The following APH1A variants were observed in gnomAD, a reference collection of about 807,000 sequenced individuals.
APH1A encodes the protein aph-1A gamma-secretase subunit.
Under a neutral mutation model 30.3 loss-of-function variants are expected in APH1A, and 16 were observed. The ratio of observed to expected loss-of-function variants is 0.53; its 90% CI spans 0.36 to 0.80. The LOEUF (loss-of-function observed/expected upper bound fraction) is 0.80, where lower values mean the gene tolerates loss of function less well. Among genes scored for constraint, APH1A ranks in the 30% least tolerant of loss-of-function variants. The pLI, the probability that APH1A is intolerant of heterozygous loss-of-function variation, is 0.01. For synonymous variants in APH1A, 144 were observed against 140.1 expected (o/e 1.03, Z -0.20); for missense variants, 245 against 337.8 (o/e 0.73, Z 2.15).
chr1:150,268,282 A>G, intron 1 of APH1A, 155 bp from the exon 2 acceptor site: 1 of 815,242 alleles, frequency 1.2e-6, no homozygotes, highest in Non-Finnish European at 1.9e-6. Flanking sequence ...CCACCAAGAG[A>G]CTCATCTGTA....
rs587608274 is a variant in APH1A, at chr1:150,268,956, A to AG, written c.-147dup. Reference sequence around the variant, plus strand: ...CACCCCCAGACCCCGGGGAAGGGGAAGGGGGGGAACCGAAACCCCAAATGA... The same window carrying AG: ...CACCCCCAGACCCCGGGGAAGGGGAAGGGGGGGGAACCGAAACCCCAAATGA... On this transcript the variant is annotated 5_prime_UTR_variant, in exon 1 of 7. Transcript: ENST00000369109. The AG allele has an allele frequency of 2.3e-5, 15 of 653,004 alleles. No individual in the cohort carries two copies. The highest frequency in any genetic ancestry group is 1.8e-4 in the Admixed American group (6 of 33,942). 40.5% of individuals were successfully genotyped at this position (653,004 alleles called of 1,614,324 possible). A position where few individuals can be genotyped will look rare whatever the true frequency, so the allele number is the denominator to read the frequency against.
In APH1A at chr1:150,266,599, A is replaced by C. The variant is rs782046338; in HGVS notation, c.667T>G (p.Ser223Ala). Residue 223 changes from serine to alanine, a missense_variant, in exon 6 of 7, where the codon TCC becomes GCC. Transcript: ENST00000369109. ...GTGATGAAGGCCCAGAGCCCCATGG[A>C]AACAGTGACTGCATAGATGGGCAGC... ...SLLPIYAVTV[S>A]MGLWAFITAG... 3 of 1,614,064 alleles carry C rather than the reference A, an allele frequency of 1.9e-6. No homozygotes were observed. Among genetic ancestry groups the C allele is most frequent in the Admixed American group, 1.7e-5 (1 of 60,024 alleles).
In APH1A at chr1:150,266,823, T is replaced by A. The variant is rs1264188968; in HGVS notation, c.610-167A>T. The A allele has an allele frequency of 3.8e-6, 4 of 1,058,162 alleles. No homozygotes were observed. In the East Asian group the frequency reaches 7.8e-5, roughly 21 times the overall value. 65.5% of individuals were successfully genotyped at this position (1,058,162 alleles called of 1,614,324 possible). The stretch of plus-strand genomic sequence containing the variant: ...AAGGGGACTTTTGATTTTCAGCTCC[T>A]CAGAAACTCAAAGGTTTCTGCCGCT... On this transcript the variant is annotated intron_variant, in intron 5 of 6. Transcript: ENST00000369109.
intron 5 of APH1A, 91 bp from the exon 6 acceptor site, chr1:150,266,747 C>A: frequency 6.9e-7 from 1 of 1,439,128 alleles, no homozygotes; most frequent in Non-Finnish European, 9.4e-7. Flanking sequence ...TCCCAGATAT[C>A]TCTCTCAAAT....
chr1:150,268,420 G>T lies in APH1A; in HGVS notation c.113+278C>A. On this transcript the variant is annotated intron_variant, in intron 1 of 6. Transcript: ENST00000369109. ...GATCCTCCCCTAAGGCACCTGACTC[G>T]GCCTGCCTAGGTCAGCACAGCCCCC... 1.5e-5 allele frequency: 9 copies of T among 584,810 alleles called. No individual in the cohort carries two copies. The South Asian group carries it at 1.7e-4, about 11-fold the overall frequency. The allele number at this position is 584,810 out of a possible 1,614,324, so 36.2% of individuals were successfully genotyped here. A position where few individuals can be genotyped will look rare whatever the true frequency, so the allele number is the denominator to read the frequency against.
chr1:150,268,972 C>T lies in APH1A; in HGVS notation c.-162G>A, dbSNP rs1172384506. 1.7e-6 allele frequency: 1 copy of T among 602,810 alleles called. No individual in the cohort carries two copies. Among genetic ancestry groups the T allele is most frequent in the Non-Finnish European group, 2.9e-6 (1 of 341,810 alleles). 37.3% of individuals were successfully genotyped at this position (602,810 alleles called of 1,614,324 possible). On this transcript the variant is annotated 5_prime_UTR_variant, in exon 1 of 7. Transcript: ENST00000369109. Reference sequence around the variant, plus strand: ...GGAAGGGGAAGGGGGGGAACCGAAACCCCAAATGAAGGTCCGCGCCACTTC... The same window carrying T: ...GGAAGGGGAAGGGGGGGAACCGAAATCCCAAATGAAGGTCCGCGCCACTTC...
At chr1:150,268,671 C>A (rs1202647607) in intron 1 of APH1A, 27 bp downstream of exon 1, 1 of 1,592,390 alleles carries the variant, frequency 6.3e-7, no homozygotes. Context: ...TCGACGCTCT[C>A]CCGCGTCTCC....
At chr1:150,266,505 G>A (rs1651730650) in intron 6 of APH1A, 28 bp downstream of exon 6, 1 of 1,613,540 alleles carries the variant, frequency 6.2e-7, no homozygotes, top group Non-Finnish European at 8.5e-7. Flanking sequence ...GATCTGTCAG[G>A]CGATCAGTCC....
rs376071112 is a variant in APH1A at position 150,266,569 on chromosome 1, C to T, written c.697G>A (p.Gly233Arg). 1 of 1,614,016 alleles carries T rather than the reference C, an allele frequency of 6.2e-7. No individual in the cohort carries two copies. The highest frequency in any genetic ancestry group is 1.3e-5 in the African/African-American group (1 of 74,898). ...CGCTGAATACTTCGGAGGGACCCTC[C>T]AGCTGTGATGAAGGCCCAGAGCCCC... ...SMGLWAFITA[G>R]GSLRSIQRSL... is the part of the protein sequence containing the mutation. Residue 233 changes from glycine to arginine, a missense_variant, in exon 6 of 7, where the codon GGA (glycine) becomes AGA (arginine). Gly to Arg is a moderately radical substitution (Grantham distance 125). Transcript: ENST00000369109.
Position 150,267,942 on chromosome 1 carries a change from A to T in APH1A, c.284+15T>A. On this transcript the variant is annotated intron_variant, in intron 2 of 6. Transcript: ENST00000369109. ...CCTTTGCCCCTCTCCCCTCCAGACC[A>T]CTCCATCTTCTTACTTAAGCAGCTT... 1 of 1,613,582 alleles carries T rather than the reference A, an allele frequency of 6.2e-7. No individual in the cohort carries two copies. The highest frequency in any genetic ancestry group is 8.5e-7 in the Non-Finnish European group (1 of 1,179,840).
intron 5 of APH1A, 123 bp from the exon 6 acceptor site, chr1:150,266,779 G>A: frequency 8.0e-7 from 1 of 1,253,942 alleles, no homozygotes; most frequent in East Asian, 2.5e-5. Context: ...TCCCTTCAGA[G>A]CACCAACATC....
chr1:150,268,165 G>A (rs199530341), intron 1 of APH1A, 38 bp from the exon 2 acceptor site: 9 of 1,598,908 alleles, frequency 5.6e-6, no homozygotes, highest in Non-Finnish European at 6.0e-6. Context: ...AGCAATAGTA[G>A]TGGGAGCCAG....
intron 1 of APH1A, chr1:150,268,346 G>A (rs145639565): frequency 1.7e-4 from 110 of 634,386 alleles, no homozygotes; most frequent in Non-Finnish European, 2.7e-4. Context: ...TCTTCAGAGC[G>A]ATGACAGCCA....
In APH1A at chr1:150,265,929, C is replaced by T. The variant is rs1651656610; in HGVS notation, c.*201G>A. On this transcript the variant is annotated 3_prime_UTR_variant, in exon 7 of 7. Coordinates refer to ENST00000369109, the MANE Select transcript of APH1A (RefSeq NM_001077628.3). ...TTCCCCCTCAGGCCTGAGAAAAAGA[C>T]CAAGATGTCCAGTCTTGAGGGAGTA... The T allele has an allele frequency of 8.0e-6, 5 of 622,946 alleles. No individual in the cohort carries two copies. In the East Asian group the frequency reaches 1.5e-4, roughly 19 times the overall value. 38.6% of individuals were successfully genotyped at this position (622,946 alleles called of 1,614,324 possible). A position where few individuals can be genotyped will look rare whatever the true frequency, so the allele number is the denominator to read the frequency against.
At position 150,267,193 on chromosome 1, in the gene APH1A, G is replaced by C; in HGVS notation, c.491C>G (p.Thr164Arg). The C allele has an allele frequency of 6.2e-7, 1 of 1,614,198 alleles. No individual in the cohort carries two copies. Among genetic ancestry groups the C allele is most frequent in the Non-Finnish European group, 8.5e-7 (1 of 1,180,038 alleles). The stretch of plus-strand genomic sequence containing the variant: ...GGTATGGAGCAGGATAATGGCTGCT[G>C]TCAGAAAGGCTGCAGGGAGGGAGAT... Reference protein sequence around the residue: ...PYYFLTSAFLTAAIILLHTFW... With the variant: ...PYYFLTSAFLRAAIILLHTFW... The change falls in exon 5 of 7, where the codon ACA becomes AGA. Residue 164 changes from threonine to arginine, a missense_variant. Transcript: ENST00000369109.
chr1:150,268,364 C>A (rs1028926180), intron 1 of APH1A: 14 of 617,536 alleles, frequency 2.3e-5, no homozygotes, highest in Non-Finnish European at 3.3e-5. Context: ...CCAGAGTGTG[C>A]GAGCACGGAA....
Position 150,268,746 on chromosome 1 carries a change from A to G in APH1A, c.65T>C (p.Leu22Ser). ...VAFGPAFALF[L>S]ITVAGDPLRV... Reference sequence around the variant, plus strand: ...AAGCGGGTCCCCAGCCACAGTGATCAAGAAAAGCGCGAAGGCCGGGCCGAA... The same window carrying G: ...AAGCGGGTCCCCAGCCACAGTGATCGAGAAAAGCGCGAAGGCCGGGCCGAA... The change falls in exon 1 of 7, where the codon TTG (leucine) becomes TCG (serine). Residue 22 changes from leucine (L) to serine (S), a missense_variant. Leu to Ser is a moderately radical substitution (Grantham distance 145). Coordinates refer to ENST00000369109, the MANE Select transcript of APH1A (RefSeq NM_001077628.3). The G allele has an allele frequency of 6.2e-7, 1 of 1,613,880 alleles. No homozygotes were observed. Among genetic ancestry groups the G allele is most frequent in the Non-Finnish European group, 8.5e-7 (1 of 1,179,898 alleles).
In APH1A at chr1:150,267,103, A is replaced by G. The variant is rs200325781; in HGVS notation, c.581T>C (p.Val194Ala). Residue 194 changes from valine (V) to alanine (A), a missense_variant, in exon 5 of 7, where the codon GTT (valine) becomes GCT (alanine). Transcript: ENST00000369109. ...TCCCGATGTCAGTAGGTGACTCCCA[A>G]CCACCAGGCCCAAAGCCCAGTACCG... is the stretch of plus-strand genomic sequence containing the variant. ...RRRYWALGLVVGSHLLTSGLT... is the reference protein window; with the variant it reads ...RRRYWALGLVAGSHLLTSGLT... The G allele has an allele frequency of 1.2e-5, 20 of 1,613,998 alleles. No individual in the cohort carries two copies. Among genetic ancestry groups the G allele is most frequent in the Non-Finnish European group, 1.7e-5 (20 of 1,180,032 alleles).
chr1:150,266,118 C>G lies in APH1A; in HGVS notation c.*12G>C, dbSNP rs373144924. On this transcript the variant is annotated 3_prime_UTR_variant, in exon 7 of 7. Coordinates refer to ENST00000369109, the MANE Select transcript of APH1A (RefSeq NM_001077628.3). Reference sequence around the variant, plus strand: ...AGGGCACCCCAGGCCCAGGGGTCCCCCCTAGGTTCCCTCAGTCCTCGGGTG... The same window carrying G: ...AGGGCACCCCAGGCCCAGGGGTCCCGCCTAGGTTCCCTCAGTCCTCGGGTG... 3.8e-6 allele frequency: 6 copies of G among 1,587,518 alleles called. No homozygotes were observed. Among genetic ancestry groups the G allele is most frequent in the Non-Finnish European group, 5.1e-6 (6 of 1,166,538 alleles).
Sources: allele counts gnomAD v4.1 joint callset, GRCh38; gene constraint gnomAD v4.1.1; transcripts MANE v1.5; gene names NCBI Gene and HGNC (gene_info 2026-07-23, HGNC 2026-07-21).